Variants in KRT8 observed in about 807,000 individuals in gnomAD.
KRT8 encodes keratin, type II cytoskeletal 8.
A neutral mutation model predicts 43.0 loss-of-function variants in KRT8; 24 were observed. The ratio of observed to expected loss-of-function variants is 0.56; its 90% CI spans 0.40 to 0.78. The LOEUF is 0.78. Among genes scored for constraint, KRT8 ranks in the 30% least tolerant of loss-of-function variants. The pLI is 0.00. For missense variants in KRT8, 492 were observed against 638.4 expected (o/e 0.77, Z 2.47); for synonymous variants, 214 against 261.2 (o/e 0.82, Z 1.74).
chr12:52,946,610 T>C (rs1247597366), intron 2 of KRT8: 1 of 152,176 alleles, frequency 6.6e-6, no homozygotes, highest in Non-Finnish European at 1.5e-5. Flanking sequence ...AGGCAGTACG[T>C]AGCTTGTTGA....
At chr12:52,912,412 T>A (rs1941653455) in intron 2 of KRT8, among the ~76,000 whole-genome samples, 1 of 152,166 alleles carries the variant, frequency 6.6e-6, no homozygotes, top group East Asian at 1.9e-4. Context: ...AAAACACCCC[T>A]CAGTCATCCC....
At chr12:52,928,809 A>C (rs1344148010) in intron 2 of KRT8, among the ~76,000 whole-genome samples, 4 of 152,144 alleles carry the variant, frequency 2.6e-5, no homozygotes, top group Non-Finnish European at 2.9e-5. Context: ...AGGAGGCTGA[A>C]GCGAGAGAAT....
rs910552543 is a variant in KRT8, at chr12:52,929,187, T to C, written c.-47+20269A>G. Among the ~76,000 whole-genome samples, 22 of 84,200 alleles carry C rather than the reference T, an allele frequency of 2.6e-4. 1 individual carries two copies. The highest frequency in any genetic ancestry group is 3.3e-4 in the Non-Finnish European group (15 of 45,596). The allele number at this position is 84,200 out of a possible 152,430, so 55.2% of individuals were successfully genotyped here. On this transcript the variant is annotated intron_variant, in intron 2 of 6. Coordinates refer to the KRT8 transcript ENST00000546826. ...ACCACTCCTCCTTCCTTCCTTCCTT[T>C]CTTTTTTTTTTTTTTTTTTCCAGAT...
At chr12:52,904,833 A>G (rs1941472861) in exon 1 of KRT8, 1 of 1,612,388 alleles carries the variant, frequency 6.2e-7, no homozygotes, top group Admixed American at 1.7e-5. Context: ...GCCGCCGCCC[A>G]GGCCACCGCG....
Position 52,946,756 on chromosome 12 carries a change from T to C in KRT8, c.-47+2700A>G, listed in dbSNP as rs1159248207. ...CCAGAAGCCTTGTATGCAAAACCAG[T>C]GGGCATTCATTTGTATGTTATTTTG... On this transcript the variant is annotated intron_variant, in intron 2 of 6. Transcript: ENST00000546826. The C allele has an allele frequency of 2.0e-5, 3 of 152,244 alleles. No homozygotes were observed. In the East Asian group the frequency reaches 5.8e-4, roughly 29 times the overall value. 9.4% of individuals were successfully genotyped at this position (152,244 alleles called of 1,614,324 possible).
In KRT8 at chr12:52,931,069, T is replaced by TTG. The variant is rs1407228956; in HGVS notation, c.-47+18386_-47+18387insCA. Among the ~76,000 whole-genome samples, 13 of 147,210 alleles carry TTG rather than the reference T, an allele frequency of 8.8e-5. 1 individual carries two copies. The highest frequency in any genetic ancestry group is 1.7e-4 in the African/African-American group (7 of 40,264). On this transcript the variant is annotated intron_variant, in intron 2 of 6. Coordinates refer to the KRT8 transcript ENST00000546826. ...TTTTAGCTTCAGTGTCTCCCCCAGA[T>TTG]TCTTTTTTTTTTTTTTGAGACAGAG...
upstream of KRT8, chr12:52,905,079 C>T (rs547757128): frequency 3.0e-4 from 444 of 1,491,118 alleles, 2 homozygotes; most frequent in Non-Finnish European, 3.4e-4. Flanking sequence ...TCAGGAATGG[C>T]CTTTTATAAA....
intron 2 of KRT8, among the ~76,000 whole-genome samples, chr12:52,932,376 C>T (rs548430263): frequency 2.2e-4 from 33 of 152,184 alleles, no homozygotes; most frequent in African/African-American, 6.0e-4. Context: ...TGTGAGCCAC[C>T]GCGCCTGGCA....
upstream of KRT8, among the ~76,000 whole-genome samples, chr12:52,911,922 G>A (rs972198204): frequency 2.6e-5 from 4 of 152,184 alleles, no homozygotes; most frequent in African/African-American, 7.2e-5. Context: ...TCAGCTACTC[G>A]GGAGGCTGAG....
At chr12:52,948,882 G>A (rs1003682897) in intron 2 of KRT8, 3 of 424,470 alleles carry the variant, frequency 7.1e-6, no homozygotes, top group South Asian at 9.6e-5. Flanking sequence ...CAGCCTCGAG[G>A]GCCAACAACA....
chr12:52,898,618 C>T (rs1565715646), intron 6 of KRT8, 61 bp downstream of exon 6: 11 of 1,612,742 alleles, frequency 6.8e-6, no homozygotes, highest in South Asian at 2.2e-5. Flanking sequence ...GGGCTCCCAC[C>T]GTCCCCACCC....
At chr12:52,902,857 C>G (rs1941408416) in intron 1 of KRT8, among the ~76,000 whole-genome samples, 1 of 151,912 alleles carries the variant, frequency 6.6e-6, no homozygotes, top group Non-Finnish European at 1.5e-5. Flanking sequence ...ACAAATAATA[C>G]AAAAATTAAC....
chr12:52,901,400 C>A (rs7312512), intron 2 of KRT8, 181 bp from the exon 3 acceptor site: 1 of 652,988 alleles, frequency 1.5e-6, no homozygotes, highest in Non-Finnish European at 2.8e-6. Flanking sequence ...TCCCTTAGCC[C>A]GTGGGAAGCA....
chr12:52,932,722 T>G (rs1035780775), intron 2 of KRT8, among the ~76,000 whole-genome samples: 2 of 151,988 alleles, frequency 1.3e-5, no homozygotes, highest in African/African-American at 4.8e-5. Context: ...GAGGATCACT[T>G]GTGCCCAGGA....
At chr12:52,949,419 G>A in intron 2 of KRT8, 1 of 1,612,770 alleles carries the variant, frequency 6.2e-7, no homozygotes, top group Non-Finnish European at 8.5e-7. Flanking sequence ...ACGAGAAGGA[G>A]ACCATGCAAA....
intron 2 of KRT8, among the ~76,000 whole-genome samples, chr12:52,944,903 T>C (rs1389588655): frequency 1.3e-5 from 2 of 152,164 alleles, no homozygotes; most frequent in African/African-American, 4.8e-5. Context: ...GACTGGGTCC[T>C]GCACCCAGCT....
At chr12:52,949,125 C>T (rs1430428555) in intron 2 of KRT8, 3 of 1,353,416 alleles carry the variant, frequency 2.2e-6, no homozygotes, top group East Asian at 3.0e-5. Flanking sequence ...CAGGCCGCCA[C>T]CGTCGTCCGC....
chr12:52,938,170 A>ATATATATATATATATTTTTTTTTT (rs1555189967), intron 2 of KRT8, among the ~76,000 whole-genome samples: 1 of 30,318 alleles, frequency 3.3e-5, no homozygotes, highest in Non-Finnish European at 5.9e-5. Context: ...ATATATATAT[A>ATATATATATATATATTTTTTTTTT]TTTTTTTTTT....
intron 1 of KRT8, chr12:52,949,655 C>T: frequency 7.1e-7 from 1 of 1,416,210 alleles, no homozygotes; most frequent in Non-Finnish European, 9.9e-7. Flanking sequence ...ACTCCTTTGC[C>T]TCTTTCCGTC....
Sources: gnomAD v4.1 joint callset for allele counts (sites outside exome capture counted in the v4.1 genomes callset) on GRCh38, gnomAD v4.1.1 for gene constraint, MANE v1.5 for transcripts, NCBI Gene and HGNC (gene_info 2026-07-23, HGNC 2026-07-21) for gene names.